The following ATAD2B variants were observed in gnomAD, a reference collection of about 807,000 sequenced individuals.
The protein encoded by ATAD2B is ATPase family AAA domain-containing protein 2B.
A neutral mutation model predicts 167.6 loss-of-function variants in ATAD2B; 40 were observed. The ratio of observed to expected loss-of-function variants is 0.24; its 90% CI spans 0.19 to 0.31. The LOEUF (loss-of-function observed/expected upper bound fraction) is 0.31. Ranked by LOEUF, ATAD2B falls within the 10% of genes least tolerant of loss-of-function variation. ATAD2B has a pLI of 1.00. For synonymous variants in ATAD2B, 579 were observed against 596.5 expected (o/e 0.97, Z 0.43); for missense variants, 1,242 against 1,757.2 (o/e 0.71, Z 5.24).
intron 23 of ATAD2B, among the ~76,000 whole-genome samples, chr2:23,764,361 AGTTT>A (rs1198780283): frequency 1.3e-5 from 2 of 152,210 alleles, no homozygotes; most frequent in East Asian, 3.8e-4. Flanking sequence ...ACTCTTGGAT[AGTTT>A]GTTCAAATAA....
chr2:23,710,275 G>A, the ATAD2B span, among the ~76,000 whole-genome samples: 1 of 152,180 alleles, frequency 6.6e-6, no homozygotes, highest in Non-Finnish European at 1.5e-5. Context: ...GTCTTAAACA[G>A]ACCTAACAAA....
intron 22 of ATAD2B, among the ~76,000 whole-genome samples, chr2:23,766,785 T>C (rs1441912759): frequency 6.6e-6 from 1 of 152,056 alleles, no homozygotes; most frequent in Non-Finnish European, 1.5e-5. Context: ...AAAACAGCTA[T>C]GAAGAAAACC....
downstream of ATAD2B, among the ~76,000 whole-genome samples, chr2:23,745,165 T>G (rs2149277504): frequency 6.6e-6 from 1 of 152,072 alleles, no homozygotes; most frequent in South Asian, 2.1e-4. Flanking sequence ...CACATGCCTC[T>G]AATCCCAGCT....
chr2:23,926,901 G>T lies in ATAD2B; in HGVS notation c.-131C>A. ...GACGAGCCGGCCCGGAGCGTGCGGA[G>T]CGCAGACGAGCACAAGAGAGAGCCG... On this transcript the variant is annotated 5_prime_UTR_variant, in exon 1 of 28. Transcript: ENST00000238789. The T allele has an allele frequency of 8.9e-7, 1 of 1,128,492 alleles. No homozygotes were observed. Among genetic ancestry groups the T allele is most frequent in the Non-Finnish European group, 1.2e-6 (1 of 826,180 alleles). The allele number at this position is 1,128,492 out of a possible 1,614,324, so 69.9% of individuals were successfully genotyped here. A position where few individuals can be genotyped will look rare whatever the true frequency, so the allele number is the denominator to read the frequency against.
intron 6 of ATAD2B, among the ~76,000 whole-genome samples, chr2:23,880,963 A>T (rs1335999408): frequency 6.6e-6 from 1 of 152,250 alleles, no homozygotes; most frequent in Admixed American, 6.5e-5. Context: ...AATGATCAAT[A>T]CAATTATCTG....
At chr2:23,865,874 G>T (rs1695058341) in intron 10 of ATAD2B, 1 of 388,870 alleles carries the variant, frequency 2.6e-6, no homozygotes, top group Non-Finnish European at 3.5e-6. Flanking sequence ...AGAAAGCTTT[G>T]TAAGAAAAAA....
chr2:23,878,264 G>C (rs1697333307), intron 7 of ATAD2B, among the ~76,000 whole-genome samples: 1 of 152,014 alleles, frequency 6.6e-6, no homozygotes, highest in Non-Finnish European at 1.5e-5. Flanking sequence ...GGGAGGCTGA[G>C]GCAGGAGAAT....
intron 8 of ATAD2B, among the ~76,000 whole-genome samples, chr2:23,870,758 G>T (rs1226903314): frequency 6.6e-6 from 1 of 151,444 alleles, no homozygotes; most frequent in Non-Finnish European, 1.5e-5. Flanking sequence ...CTGGTTTACA[G>T]AGGACAAGGG....
At chr2:23,742,093 T>G in the ATAD2B span, among the ~76,000 whole-genome samples, 1 of 152,200 alleles carries the variant, frequency 6.6e-6, no homozygotes, top group Admixed American at 6.5e-5. Context: ...GGAACACTTT[T>G]ACACTGTTGG....
intron 14 of ATAD2B, among the ~76,000 whole-genome samples, chr2:23,830,768 A>T (rs2149717248): frequency 6.6e-6 from 1 of 152,276 alleles, no homozygotes; most frequent in Middle Eastern, 3.4e-3. Context: ...ATTCTGTAAG[A>T]TGACATTAAG....
At chr2:23,820,025 G>A in intron 16 of ATAD2B, 143 bp from the exon 17 acceptor site, 1 of 538,550 alleles carries the variant, frequency 1.9e-6, no homozygotes, top group Non-Finnish European at 3.2e-6. Flanking sequence ...CTGACAAACT[G>A]CAGCTTTTAA....
intron 19 of ATAD2B, among the ~76,000 whole-genome samples, chr2:23,790,293 A>C (rs1343063497): frequency 3.3e-5 from 5 of 152,168 alleles, no homozygotes; most frequent in Non-Finnish European, 7.4e-5. Flanking sequence ...AGAGGTAGCA[A>C]AACAGAGCAG....
chr2:23,898,491 C>T (rs1700398481), intron 1 of ATAD2B, among the ~76,000 whole-genome samples: 1 of 152,152 alleles, frequency 6.6e-6, no homozygotes, highest in Non-Finnish European at 1.5e-5. Flanking sequence ...CTGATGTAGA[C>T]CTCACACGTA....
At chr2:23,790,377 A>G (rs984105032) in intron 19 of ATAD2B, among the ~76,000 whole-genome samples, 1 of 152,210 alleles carries the variant, frequency 6.6e-6, no homozygotes, top group Admixed American at 6.5e-5. Context: ...GTCTTGAAAA[A>G]TAAGTAGAAC....
At chr2:23,872,945 C>A in intron 8 of ATAD2B, 1 of 755,994 alleles carries the variant, frequency 1.3e-6, no homozygotes, top group South Asian at 1.4e-5. Flanking sequence ...TTGTACCAGT[C>A]GCTGAAGCAG....
At chr2:23,798,522 T>C (rs1416589732) in intron 18 of ATAD2B, among the ~76,000 whole-genome samples, 199 bp from the exon 19 acceptor site, 2 of 151,880 alleles carry the variant, frequency 1.3e-5, no homozygotes, top group Admixed American at 1.3e-4. Context: ...AAAAAGTATG[T>C]TTTGCCCTAT....
At chr2:23,880,892 G>A (rs1216892038) in intron 6 of ATAD2B, 137 bp from the exon 7 acceptor site, 12 of 601,852 alleles carry the variant, frequency 2.0e-5, no homozygotes, top group South Asian at 6.4e-5. Context: ...AACATATTAC[G>A]TAAAGCATAC....
chr2:23,892,299 A>G (rs1558747780), intron 2 of ATAD2B, among the ~76,000 whole-genome samples: 1 of 151,434 alleles, frequency 6.6e-6, no homozygotes, highest in Non-Finnish European at 1.5e-5. Context: ...GAGTAGCTGG[A>G]ACTACAGGCA....
intron 18 of ATAD2B, chr2:23,808,989 C>T (rs1436104890): frequency 1.3e-5 from 2 of 152,198 alleles, no homozygotes; most frequent in East Asian, 3.9e-4. Flanking sequence ...AATAATTCAC[C>T]TGTGAAACCA....
Sources: allele counts gnomAD v4.1 joint callset (sites outside exome capture counted in the v4.1 genomes callset), GRCh38; gene constraint gnomAD v4.1.1; transcripts MANE v1.5; gene names NCBI Gene and HGNC (gene_info 2026-07-23, HGNC 2026-07-21).